The following PLPP1 variants were observed in gnomAD, a reference collection of about 807,000 sequenced individuals.
PLPP1 encodes lipid phosphate phosphohydrolase 1a.
A neutral mutation model predicts 31.2 loss-of-function variants in PLPP1; 24 were observed. That is an observed-to-expected ratio of 0.77 (90% CI 0.56 to 1.08). The LOEUF (loss-of-function observed/expected upper bound fraction) is 1.08. PLPP1 is among the 50% of genes least tolerant of loss of function. The pLI, the probability that PLPP1 is intolerant of heterozygous loss-of-function variation, is 0.00. For missense variants in PLPP1, 319 were observed against 342.7 expected (o/e 0.93, Z 0.55); for synonymous variants, 146 against 126.3 (o/e 1.16, Z -1.05).
At chr5:55,485,546 T>C (rs1212940932) in intron 1 of PLPP1, among the ~76,000 whole-genome samples, 2 of 152,150 alleles carry the variant, frequency 1.3e-5, no homozygotes, top group Non-Finnish European at 2.9e-5. Flanking sequence ...CACAATGCTA[T>C]GTAAAAATGG....
Position 55,486,743 on chromosome 5 carries a change from T to A in PLPP1, c.59-11293A>T, listed in dbSNP as rs182680636. ...GCCTAACCAACATGGTGAAACCCCA[T>A]CTCTACTAAAAATACAAAAATTAGC... On this transcript the variant is annotated intron_variant, in intron 1 of 5. Transcript: ENST00000307259. Among the ~76,000 whole-genome samples, 14 of 151,714 alleles carry A rather than the reference T, an allele frequency of 9.2e-5. No homozygotes were observed. The East Asian group carries it at 2.1e-3, about 23-fold the overall frequency.
At position 55,424,963 on chromosome 5, in the gene PLPP1, A is replaced by G. The variant is rs936005334; in HGVS notation, c.*243T>C. The G allele has an allele frequency of 1.6e-6, 1 of 643,750 alleles. No homozygotes were observed. Among genetic ancestry groups the G allele is most frequent in the Non-Finnish European group, 2.6e-6 (1 of 382,580 alleles). The allele number at this position is 643,750 out of a possible 1,614,324, so 39.9% of individuals were successfully genotyped here. A position where few individuals can be genotyped will look rare whatever the true frequency, so the allele number is the denominator to read the frequency against. On this transcript the variant is annotated 3_prime_UTR_variant, in exon 6 of 6. Transcript: ENST00000307259. ...TAAGCATTACATTTTTTTAATAAAAATGTATACAGGTGGGGCACTGTTTTG... is the reference window on the plus strand; with the variant it reads ...TAAGCATTACATTTTTTTAATAAAAGTGTATACAGGTGGGGCACTGTTTTG...
chr5:55,458,814 G>A (rs1579937217), intron 3 of PLPP1, among the ~76,000 whole-genome samples: 1 of 146,230 alleles, frequency 6.8e-6, no homozygotes, highest in Non-Finnish European at 1.5e-5. Flanking sequence ...CTTGAACTCA[G>A]GAGGCAGAGG....
At chr5:55,425,459 C>A in intron 5 of PLPP1, 125 bp from the exon 6 acceptor site, 1 of 889,914 alleles carries the variant, frequency 1.1e-6, no homozygotes. Context: ...ACAGATTAAG[C>A]ATATAAAAAA....
At chr5:55,486,899 C>T (rs1002513783) in intron 1 of PLPP1, among the ~76,000 whole-genome samples, 2 of 151,476 alleles carry the variant, frequency 1.3e-5, no homozygotes, top group African/African-American at 2.4e-5. Context: ...GGCGACAGAG[C>T]GAGACTCCAC....
At chr5:55,474,509 C>T (rs1201144009) in intron 2 of PLPP1, among the ~76,000 whole-genome samples, 1 of 152,236 alleles carries the variant, frequency 6.6e-6, no homozygotes, top group East Asian at 1.9e-4. Context: ...ACCTGAAATA[C>T]CGGAAAACAA....
At chr5:55,441,963 G>C (rs2278257) in intron 3 of PLPP1, 55 bp from the exon 4 acceptor site, 1,373,554 of 1,530,774 alleles carry the variant, frequency 0.9, 617,884 homozygotes, top group Admixed American at 0.93. Context: ...CAAAAGTATT[G>C]TTGATTTCAT....
At chr5:55,430,643 G>A (rs1751326483) in intron 4 of PLPP1, among the ~76,000 whole-genome samples, 1 of 152,168 alleles carries the variant, frequency 6.6e-6, no homozygotes, top group Non-Finnish European at 1.5e-5. Flanking sequence ...TGTTAAACCA[G>A]ATGTACAGAT....
chr5:55,524,216 C>T (rs1309624207), intron 1 of PLPP1, among the ~76,000 whole-genome samples: 1 of 151,998 alleles, frequency 6.6e-6, no homozygotes, highest in Non-Finnish European at 1.5e-5. Context: ...GAAGAATTGT[C>T]TTGGGGCACA....
At chr5:55,528,475 A>G (rs1368533643) in intron 1 of PLPP1, among the ~76,000 whole-genome samples, 1 of 152,218 alleles carries the variant, frequency 6.6e-6, no homozygotes, top group Non-Finnish European at 1.5e-5. Flanking sequence ...TTGTATCCCT[A>G]GTACCTAACA....
intron 1 of PLPP1, among the ~76,000 whole-genome samples, chr5:55,478,102 C>T (rs540002827): frequency 6.6e-6 from 1 of 152,022 alleles, no homozygotes; most frequent in Non-Finnish European, 1.5e-5. Context: ...TACACATGCC[C>T]AAATGTATTT....
intron 1 of PLPP1, chr5:55,530,830 CA>C (rs1740636537): frequency 7.9e-7 from 1 of 1,273,354 alleles, no homozygotes; most frequent in African/African-American, 1.5e-5. Context: ...CACCTCCTGA[CA>C]GACGGGGCAG....
Position 55,475,323 on chromosome 5 carries a change from T to C in PLPP1, c.186A>G (p.Ile62Met). ...CAACGATAATACTGAATGGAATGAT[T>C]ATTCCACCTAATAACGCATAAGGTA... The part of the protein sequence containing the change: ...DTIPYALLGG[I>M]IIPFSIIVII... Residue 62 changes from isoleucine to methionine, a missense_variant, in exon 2 of 6, where the codon ATA becomes ATG. By Grantham distance (10) the Ile-to-Met change is conservative. Coordinates refer to ENST00000307259, the MANE Select transcript of PLPP1 (RefSeq NM_003711.4). 1 of 1,611,976 alleles carries C rather than the reference T, an allele frequency of 6.2e-7. No homozygotes were observed. The highest frequency in any genetic ancestry group is 1.1e-5 in the South Asian group (1 of 90,556).
intron 4 of PLPP1, among the ~76,000 whole-genome samples, chr5:55,427,456 A>G (rs1300820541): frequency 6.6e-6 from 1 of 152,128 alleles, no homozygotes; most frequent in Non-Finnish European, 1.5e-5. Flanking sequence ...CAGAATCCTT[A>G]TTTTTGTTTG....
chr5:55,459,793 TGC>T (rs1752111657), intron 3 of PLPP1, among the ~76,000 whole-genome samples: 1 of 152,164 alleles, frequency 6.6e-6, no homozygotes, highest in Admixed American at 6.5e-5. Context: ...ACATTGAGCA[TGC>T]CTGCCTTTCC....
intron 4 of PLPP1, among the ~76,000 whole-genome samples, chr5:55,430,114 T>A (rs1394858008): frequency 6.6e-6 from 1 of 152,100 alleles, no homozygotes; most frequent in Non-Finnish European, 1.5e-5. Flanking sequence ...GCCTGGGGAC[T>A]AGCCACCCAG....
intron 1 of PLPP1, among the ~76,000 whole-genome samples, chr5:55,509,331 T>C (rs879381552): frequency 1.3e-5 from 2 of 152,168 alleles, no homozygotes; most frequent in Non-Finnish European, 2.9e-5. Flanking sequence ...TATTTGAGTG[T>C]GATTCACAGA....
At chr5:55,443,283 AC>A (rs1456134947) in intron 3 of PLPP1, among the ~76,000 whole-genome samples, 1 of 148,682 alleles carries the variant, frequency 6.7e-6, no homozygotes, top group Admixed American at 6.8e-5. Context: ...GTAATCAGAT[AC>A]ATGCCTAAGA....
rs1561237100 is a variant in PLPP1 at position 55,473,999 on chromosome 5, T to TTTTG, written c.210+1299_210+1300insCAAA. 5.5e-5 allele frequency among the ~76,000 whole-genome samples: 8 copies of TTTTG among 144,640 alleles called. 1 individual carries two copies. The highest frequency in any genetic ancestry group is 6.8e-5 in the Admixed American group (1 of 14,786). The allele number at this position is 144,640 out of a possible 152,430, so 94.9% of individuals were successfully genotyped here. A position where few individuals can be genotyped will look rare whatever the true frequency, so the allele number is the denominator to read the frequency against. ...TCTGGTTTTTTTGTTTGTTTGTTGTTTTTTTTTTTTTTTTCCAGACGGAGT... is the reference window on the plus strand; with the variant it reads ...TCTGGTTTTTTTGTTTGTTTGTTGTTTTTGTTTTTTTTTTTTTTCCAGACGGAGT... On this transcript the variant is annotated intron_variant, in intron 2 of 5. Transcript: ENST00000307259.
Sources: allele counts gnomAD v4.1 joint callset (sites outside exome capture counted in the v4.1 genomes callset), GRCh38; gene constraint gnomAD v4.1.1; transcripts MANE v1.5; gene names NCBI Gene and HGNC (gene_info 2026-07-23, HGNC 2026-07-21).